METAP2: variants seen among roughly 807,000 people sequenced by gnomAD.
The protein encoded by METAP2 is methionine aminopeptidase 2.
METAP2 carries 25 observed loss-of-function variants against 59.4 expected under a neutral mutation model. The observed-to-expected ratio is 0.42, with a 90% confidence interval of 0.31 to 0.59. The LOEUF (loss-of-function observed/expected upper bound fraction) is 0.59, where lower values mean the gene tolerates loss of function less well. Among genes scored for constraint, METAP2 ranks in the 20% least tolerant of loss-of-function variants. METAP2 has a pLI of 0.16. For synonymous variants in METAP2, 214 were observed against 194.1 expected (o/e 1.10, Z -0.85); for missense variants, 366 against 581.2 (o/e 0.63, Z 3.81).
At chr12:95,509,319 A>T (rs2076384312) in intron 8 of METAP2, among the ~76,000 whole-genome samples, 1 of 152,204 alleles carries the variant, frequency 6.6e-6, no homozygotes, top group African/African-American at 2.4e-5. Flanking sequence ...CTAAAAGAAA[A>T]TGATGTTTGG....
In METAP2 at chr12:95,508,464, T is replaced by C. The variant is rs575819315; in HGVS notation, c.965-3431T>C. Among the ~76,000 whole-genome samples, 231 of 152,352 alleles carry C rather than the reference T, an allele frequency of 1.5e-3. 1 individual carries two copies. Among genetic ancestry groups the C allele is most frequent in the African/African-American group, 4.7e-3 (197 of 41,590 alleles). Reference sequence around the variant, plus strand: ...TTATGGGACTAGAACATGGGCCTTCTGATTTCTAGGTTCACTGCTACAAAT... The same window carrying C: ...TTATGGGACTAGAACATGGGCCTTCCGATTTCTAGGTTCACTGCTACAAAT... On this transcript the variant is annotated intron_variant, in intron 8 of 10. Transcript: ENST00000323666.
At chr12:95,496,442 T>C (rs11108072) in intron 7 of METAP2, among the ~76,000 whole-genome samples, 6,915 of 152,158 alleles carry the variant, frequency 0.045, 217 homozygotes, top group Non-Finnish European at 0.067. Flanking sequence ...AGTACAGAGA[T>C]TTCCCTTATA....
chr12:95,504,970 T>C (rs1010450118), intron 8 of METAP2, among the ~76,000 whole-genome samples: 2 of 152,162 alleles, frequency 1.3e-5, no homozygotes. Context: ...GTCAGTCCAG[T>C]CCTCCTCTGG....
In METAP2 at chr12:95,495,988, G is replaced by A; in HGVS notation, c.773-16G>A. On this transcript the variant is annotated splice_polypyrimidine_tract_variant and intron_variant, in intron 6 of 10. Transcript: ENST00000323666. Reference sequence around the variant, plus strand: ...TAGCTGATAAGTAAAATTAAAAGAGGAATTTTCTCTTTCAGGTAGGATTAT... The same window carrying A: ...TAGCTGATAAGTAAAATTAAAAGAGAAATTTTCTCTTTCAGGTAGGATTAT... The A allele has an allele frequency of 7.0e-7, 1 of 1,434,416 alleles. No homozygotes were observed. Among genetic ancestry groups the A allele is most frequent in the Non-Finnish European group, 9.7e-7 (1 of 1,029,858 alleles). 88.9% of individuals were successfully genotyped at this position (1,434,416 alleles called of 1,614,324 possible).
At chr12:95,495,939 A>G in intron 6 of METAP2, 65 bp from the exon 7 acceptor site, 4 of 954,674 alleles carry the variant, frequency 4.2e-6, no homozygotes, top group Non-Finnish European at 6.4e-6. Context: ...AATAGATTAA[A>G]TGCTGTAAAG....
chr12:95,515,399 G>T lies in METAP2; in HGVS notation c.*1495G>T, dbSNP rs200877504. ...GATGCTGTGGCTAGCAGCAGAGCTC[G>T]CCAGTTCATGCCTGGACATACTGTC... On this transcript the variant is annotated 3_prime_UTR_variant, in exon 11 of 11. Transcript: ENST00000323666. 1.3e-5 allele frequency: 2 copies of T among 152,220 alleles called. No homozygotes were observed. The highest frequency in any genetic ancestry group is 2.4e-5 in the African/African-American group (1 of 41,462). 9.4% of individuals were successfully genotyped at this position (152,220 alleles called of 1,614,324 possible).
chr12:95,476,989 AGATAGG>A (rs1306489987), intron 2 of METAP2, among the ~76,000 whole-genome samples: 1 of 152,200 alleles, frequency 6.6e-6, no homozygotes, highest in Non-Finnish European at 1.5e-5. Flanking sequence ...CTCATTTTAC[AGATAGG>A]GAAGTGGTAG....
In METAP2 at chr12:95,483,278, G is replaced by A. The variant is rs748754691; in HGVS notation, c.323G>A (p.Gly108Glu). The change falls in exon 3 of 11, where the codon GGA becomes GAA. Residue 108 changes from glycine (G) to glutamate (E), a missense_variant and splice_region_variant. By Grantham distance (98) the Gly-to-Glu change is moderately conservative. Coordinates refer to ENST00000323666, the MANE Select transcript of METAP2 (RefSeq NM_006838.4). ...KKKKKKKKKR[G>E]PKVQTDPPSV... ...AAGAAAAAGAAGAAGAAGAAGAGAG[G>A]ACGTTAGTGTCTTAAGTTAATGTTA... The A allele has an allele frequency of 1.9e-6, 3 of 1,603,936 alleles. No individual in the cohort carries two copies. Among genetic ancestry groups the A allele is most frequent in the Non-Finnish European group, 2.6e-6 (3 of 1,170,870 alleles).
At position 95,483,252 on chromosome 12, in the gene METAP2, GAAGAAA is replaced by G. The variant is rs772498331; in HGVS notation, c.303_308del (p.Lys105_Lys106del). 9 of 1,612,348 alleles carry G rather than the reference GAAGAAA, an allele frequency of 5.6e-6. No homozygotes were observed. Among genetic ancestry groups the G allele is most frequent in the South Asian group, 1.1e-5 (1 of 91,046 alleles). On this transcript the variant is annotated inframe_deletion, in exon 3 of 11. Coordinates refer to ENST00000323666, the MANE Select transcript of METAP2 (RefSeq NM_006838.4). ...ATGGAGATGGAGCAACTGGAAAGAA[GAAGAAA>G]AAGAAGAAGAAGAAGAGAGGACGTT...
intron 7 of METAP2, among the ~76,000 whole-genome samples, 162 bp downstream of exon 7, chr12:95,496,260 G>A (rs1209811992): frequency 1.3e-5 from 2 of 151,960 alleles, no homozygotes; most frequent in Non-Finnish European, 2.9e-5. Context: ...AAGCGGGTAA[G>A]TGTATGATTG....
chr12:95,498,608 A>G (rs530278051), intron 7 of METAP2, among the ~76,000 whole-genome samples: 1 of 152,230 alleles, frequency 6.6e-6, no homozygotes, highest in Admixed American at 6.5e-5. Flanking sequence ...AATTTTTTAT[A>G]TGGTGTTAAG....
At chr12:95,507,525 C>T (rs2076370531) in intron 8 of METAP2, among the ~76,000 whole-genome samples, 1 of 152,248 alleles carries the variant, frequency 6.6e-6, no homozygotes, top group Non-Finnish European at 1.5e-5. Context: ...ATGTTTTTAT[C>T]TCTGTTCTTC....
intron 7 of METAP2, among the ~76,000 whole-genome samples, chr12:95,498,640 T>C (rs1398865023): frequency 6.6e-6 from 1 of 152,188 alleles, no homozygotes; most frequent in African/African-American, 2.4e-5. Context: ...ATTCATTCTT[T>C]TGCATGTGAA....
At chr12:95,477,190 C>T (rs1363146877) in intron 2 of METAP2, among the ~76,000 whole-genome samples, 12 of 151,972 alleles carry the variant, frequency 7.9e-5, no homozygotes, top group Admixed American at 6.6e-4. Context: ...TGCGACCTCC[C>T]GAGCTCAAGC....
intron 7 of METAP2, among the ~76,000 whole-genome samples, chr12:95,501,443 C>T (rs1226748308): frequency 6.6e-6 from 1 of 152,262 alleles, no homozygotes; most frequent in Non-Finnish European, 1.5e-5. Context: ...TTTGGCCGCG[C>T]GCGGTGGCTC....
intron 7 of METAP2, among the ~76,000 whole-genome samples, chr12:95,503,178 T>A (rs1396390109): frequency 2.0e-5 from 3 of 152,154 alleles, no homozygotes; most frequent in Non-Finnish European, 4.4e-5. Context: ...ATTCTGAAAA[T>A]CAGATATTCC....
chr12:95,499,301 C>T (rs1426820479), intron 7 of METAP2, among the ~76,000 whole-genome samples: 1 of 151,994 alleles, frequency 6.6e-6, no homozygotes, highest in African/African-American at 2.4e-5. Flanking sequence ...GCCACCGTAC[C>T]CATCAATTTT....
At chr12:95,513,411 C>G (rs149788711) in intron 10 of METAP2, among the ~76,000 whole-genome samples, 1 of 152,174 alleles carries the variant, frequency 6.6e-6, no homozygotes, top group Non-Finnish European at 1.5e-5. Flanking sequence ...CACACGCACA[C>G]GCGCGCGCAC....
At chr12:95,484,302 G>A (rs1342136290) in intron 3 of METAP2, among the ~76,000 whole-genome samples, 2 of 151,876 alleles carry the variant, frequency 1.3e-5, no homozygotes, top group Non-Finnish European at 2.9e-5. Context: ...CTAAGAAGAG[G>A]ATGTCAGCTA....
Sources: allele counts gnomAD v4.1 joint callset (sites outside exome capture counted in the v4.1 genomes callset), GRCh38; gene constraint gnomAD v4.1.1; transcripts MANE v1.5; gene names NCBI Gene and HGNC (gene_info 2026-07-23, HGNC 2026-07-21).